STN1: variants seen among roughly 807,000 people sequenced by gnomAD.
STN1 encodes the protein CST complex subunit STN1.
A neutral mutation model predicts 45.5 loss-of-function variants in STN1; 29 were observed. The observed-to-expected ratio is 0.64, with a 90% CI of 0.47 to 0.87. The LOEUF (loss-of-function observed/expected upper bound fraction) is 0.87, where lower values mean the gene tolerates loss of function less well. STN1 is among the 40% of genes least tolerant of loss of function. The pLI is 0.00. For missense variants in STN1, 376 were observed against 441.4 expected (o/e 0.85, Z 1.33); for synonymous variants, 148 against 159.0 (o/e 0.93, Z 0.52).
chr10:103,908,128 CAAA>C (rs34156487), intron 3 of STN1, among the ~76,000 whole-genome samples: 86 of 138,644 alleles, frequency 6.2e-4, no homozygotes, highest in Admixed American at 9.9e-4. Context: ...GACTCCATCT[CAAA>C]AAAAAAAAAA....
intron 9 of STN1, among the ~76,000 whole-genome samples, chr10:103,884,779 G>A (rs1335532376): frequency 6.6e-6 from 1 of 152,224 alleles, no homozygotes; most frequent in Non-Finnish European, 1.5e-5. Context: ...CTCAGCTGTG[G>A]TGAAAACCAC....
At position 103,917,583 on chromosome 10, in the gene STN1, T is replaced by C. The variant is rs140572822; in HGVS notation, c.12A>G (p.Gly4=). Residue 4 remains glycine, a synonymous_variant, in exon 2 of 10, where the codon GGA becomes GGG. Coordinates refer to ENST00000224950, the MANE Select transcript of STN1 (RefSeq NM_024928.5). ...GGGTCTCCTCTTCACACCGGCTGGA[T>C]CCAGGCTGCATCAAGAGGCAGGGCT... MQP[G]SSRCEEETPS... is the part of the protein sequence containing the mutation. 21 of 1,613,866 alleles carry C rather than the reference T, an allele frequency of 1.3e-5. No homozygotes were observed. The African/African-American group carries it at 2.4e-4, about 18-fold the overall frequency.
intron 3 of STN1, among the ~76,000 whole-genome samples, chr10:103,906,429 G>A (rs1843241317): frequency 6.6e-6 from 1 of 152,198 alleles, no homozygotes; most frequent in South Asian, 2.1e-4. Flanking sequence ...AGCCAAGGCA[G>A]GAGGATCACT....
intron 4 of STN1, among the ~76,000 whole-genome samples, chr10:103,900,753 C>T (rs544739892): frequency 1.4e-5 from 2 of 142,350 alleles, no homozygotes; most frequent in South Asian, 2.3e-4. Flanking sequence ...CTCACACTTT[C>T]TCCACTTTCT....
At chr10:103,905,901 T>C (rs149236545) in intron 3 of STN1, among the ~76,000 whole-genome samples, 1 of 152,310 alleles carries the variant, frequency 6.6e-6, no homozygotes, top group East Asian at 1.9e-4. Context: ...CAGAGGAATT[T>C]GGAGATGTTT....
intron 8 of STN1, among the ~76,000 whole-genome samples, chr10:103,890,985 G>A (rs542477538): frequency 2.6e-5 from 4 of 152,156 alleles, no homozygotes; most frequent in Non-Finnish European, 5.9e-5. Context: ...AGCAAAAGGT[G>A]AACTTTTAAC....
chr10:103,889,423 A>G (rs17116115), intron 8 of STN1, among the ~76,000 whole-genome samples: 3,615 of 152,168 alleles, frequency 0.024, 133 homozygotes, highest in African/African-American at 0.082. Context: ...TTCAACACTC[A>G]TAACACATTT....
chr10:103,904,892 G>C (rs1358784677), intron 4 of STN1, among the ~76,000 whole-genome samples, 199 bp downstream of exon 4: 2 of 152,184 alleles, frequency 1.3e-5, no homozygotes, highest in Non-Finnish European at 2.9e-5. Context: ...AAAGAGATGG[G>C]AGAAAGAAAA....
intron 9 of STN1, among the ~76,000 whole-genome samples, chr10:103,886,263 C>T (rs1383808912): frequency 6.6e-6 from 1 of 152,112 alleles, no homozygotes; most frequent in Non-Finnish European, 1.5e-5. Flanking sequence ...TGGAACTCAT[C>T]AAATGTTAAT....
At chr10:103,911,194 A>G (rs1478319784) in intron 2 of STN1, among the ~76,000 whole-genome samples, 1 of 152,134 alleles carries the variant, frequency 6.6e-6, no homozygotes, top group Admixed American at 6.5e-5. Context: ...TAGGCTACAG[A>G]TGGTGGCAGG....
intron 9 of STN1, among the ~76,000 whole-genome samples, chr10:103,883,747 A>G (rs937130674): frequency 2.0e-5 from 3 of 152,178 alleles, no homozygotes; most frequent in Non-Finnish European, 4.4e-5. Flanking sequence ...AATTCCTGAC[A>G]AACAACTTTG....
In STN1 at chr10:103,897,528, C is replaced by T; in HGVS notation, c.753+20G>A. 3 of 1,611,860 alleles carry T rather than the reference C, an allele frequency of 1.9e-6. No homozygotes were observed. Among genetic ancestry groups the T allele is most frequent in the Non-Finnish European group, 1.7e-6 (2 of 1,178,454 alleles). ...CTGGGGCAGGGAACCAGAATTCTCA[C>T]ATGGGCATGCTGCACTCACTTGGTC... On this transcript the variant is annotated intron_variant, in intron 7 of 9. Coordinates refer to ENST00000224950, the MANE Select transcript of STN1 (RefSeq NM_024928.5).
At chr10:103,914,367 TATATATA>T (rs368883432) in intron 2 of STN1, among the ~76,000 whole-genome samples, 295 of 10,584 alleles carry the variant, frequency 0.028, 8 homozygotes, top group East Asian at 0.04. Flanking sequence ...TATATATATA[TATATATA>T]TTTTTTTTTT....
At chr10:103,909,076 G>C (rs192898549) in intron 3 of STN1, among the ~76,000 whole-genome samples, 1 of 151,838 alleles carries the variant, frequency 6.6e-6, no homozygotes, top group East Asian at 1.9e-4. Flanking sequence ...AATAATACCT[G>C]TACTTTCTGT....
chr10:103,915,075 C>G (rs1405495637), intron 2 of STN1, among the ~76,000 whole-genome samples: 1 of 152,158 alleles, frequency 6.6e-6, no homozygotes, highest in Non-Finnish European at 1.5e-5. Flanking sequence ...AAATCAGGGC[C>G]AGCCAAATGA....
chr10:103,913,830 C>T (rs1032379700), intron 2 of STN1, among the ~76,000 whole-genome samples: 2 of 151,776 alleles, frequency 1.3e-5, no homozygotes, highest in Non-Finnish European at 2.9e-5. Flanking sequence ...TTCCCAAGGC[C>T]CTTGTGTTCC....
chr10:103,912,679 C>T (rs928825357), intron 2 of STN1, among the ~76,000 whole-genome samples: 2 of 152,252 alleles, frequency 1.3e-5, no homozygotes, highest in Non-Finnish European at 2.9e-5. Flanking sequence ...AGGTTTGCTG[C>T]AGGGCCAGGT....
At chr10:103,914,347 T>TATATATAC (rs1264533302) in intron 2 of STN1, among the ~76,000 whole-genome samples, 2 of 13,476 alleles carry the variant, frequency 1.5e-4, no homozygotes, top group African/African-American at 3.4e-4. Context: ...TATATATATA[T>TATATATAC]ATATATATAT....
intron 3 of STN1, among the ~76,000 whole-genome samples, chr10:103,909,493 T>TAC (rs1843273893): frequency 1.8e-5 from 1 of 56,682 alleles, no homozygotes; most frequent in Non-Finnish European, 3.6e-5. Context: ...TATATGTGTG[T>TAC]GTGTATATGT....
Sources: gnomAD v4.1 joint callset for allele counts (sites outside exome capture counted in the v4.1 genomes callset) on GRCh38, gnomAD v4.1.1 for gene constraint, MANE v1.5 for transcripts, NCBI Gene and HGNC (gene_info 2026-07-23, HGNC 2026-07-21) for gene names.